RGS6: variants seen among roughly 807,000 people sequenced by gnomAD.
RGS6 encodes regulator of G protein signaling 6.
A neutral mutation model predicts 78.5 loss-of-function variants in RGS6; 30 were observed. That is an observed-to-expected ratio of 0.38 (90% CI 0.29 to 0.52). RGS6 has a LOEUF of 0.52. Ranked by LOEUF, RGS6 falls within the 20% of genes least tolerant of loss-of-function variation. RGS6 has a pLI of 0.85. For missense variants in RGS6, 495 were observed against 609.7 expected (o/e 0.81, Z 1.98); for synonymous variants, 206 against 206.0 (o/e 1.00, Z 0.00).
intron 2 of RGS6, among the ~76,000 whole-genome samples, chr14:72,194,964 T>C (rs2039673436): frequency 6.6e-6 from 1 of 152,036 alleles, no homozygotes; most frequent in African/African-American, 2.4e-5. Flanking sequence ...TCCCAGAGCT[T>C]TGGGAGGCCG....
chr14:72,045,533 A>G (rs2092763254), intron 2 of RGS6, among the ~76,000 whole-genome samples: 1 of 152,128 alleles, frequency 6.6e-6, no homozygotes. Flanking sequence ...TGCATCTTGC[A>G]GCTCTTTTAG....
At chr14:71,909,199 C>T in the RGS6 span, among the ~76,000 whole-genome samples, 1 of 152,118 alleles carries the variant, frequency 6.6e-6, no homozygotes, top group African/African-American at 2.4e-5. Flanking sequence ...TGGCGTGTTC[C>T]TCCTTCTGTT....
intron 2 of RGS6, among the ~76,000 whole-genome samples, chr14:72,119,665 A>G (rs1278076047): frequency 6.6e-6 from 1 of 152,246 alleles, no homozygotes; most frequent in African/African-American, 2.4e-5. Flanking sequence ...GAAACAAACG[A>G]GAGAGAAAGA....
intron 3 of RGS6, among the ~76,000 whole-genome samples, chr14:72,359,202 TAGC>T (rs202191731): frequency 0.021 from 3,204 of 152,254 alleles, 51 homozygotes; most frequent in African/African-American, 0.048. Flanking sequence ...ATGTCTTTAT[TAGC>T]AGCATGAGAA....
chr14:72,228,022 A>G (rs2048551447), intron 2 of RGS6, among the ~76,000 whole-genome samples: 1 of 152,252 alleles, frequency 6.6e-6, no homozygotes, highest in African/African-American at 2.4e-5. Flanking sequence ...ATGAATAAGT[A>G]GGATTCCCCA....
At chr14:71,971,441 A>G (rs2093798129) in intron 2 of RGS6, among the ~76,000 whole-genome samples, 2 of 152,108 alleles carry the variant, frequency 1.3e-5, no homozygotes, top group Admixed American at 6.6e-5. Context: ...GGGTCCGGAC[A>G]TCCTTTTTGT....
At chr14:72,374,299 C>G (rs542265849) in intron 3 of RGS6, among the ~76,000 whole-genome samples, 1 of 150,496 alleles carries the variant, frequency 6.6e-6, no homozygotes, top group African/African-American at 2.4e-5. Flanking sequence ...TCCATGTGTT[C>G]TCATTGTTCA....
chr14:72,030,106 T>C (rs2090597366), intron 2 of RGS6, among the ~76,000 whole-genome samples: 1 of 152,310 alleles, frequency 6.6e-6, no homozygotes, highest in Non-Finnish European at 1.5e-5. Flanking sequence ...TAATAAGTTA[T>C]TAATGACACA....
intron 3 of RGS6, among the ~76,000 whole-genome samples, chr14:72,418,468 G>A (rs545971437): frequency 7.2e-5 from 11 of 152,150 alleles, no homozygotes; most frequent in Admixed American, 2.6e-4. Flanking sequence ...CGCCCGGCCC[G>A]CTTCAAAATA....
chr14:71,912,731 C>T, the RGS6 span, among the ~76,000 whole-genome samples: 960 of 152,342 alleles, frequency 6.3e-3, 11 homozygotes, highest in Non-Finnish European at 0.011. Context: ...TCTAAACATT[C>T]TTTCCTGATA....
chr14:72,061,395 C>T (rs2093886344), intron 2 of RGS6, among the ~76,000 whole-genome samples: 1 of 152,126 alleles, frequency 6.6e-6, no homozygotes, highest in Non-Finnish European at 1.5e-5. Flanking sequence ...TCCTTACACT[C>T]AGGGAGCTTG....
chr14:72,542,424 A>G (rs2097339073), intron 17 of RGS6, among the ~76,000 whole-genome samples: 1 of 152,244 alleles, frequency 6.6e-6, no homozygotes, highest in African/African-American at 2.4e-5. Flanking sequence ...TGACTATCAT[A>G]TGCCTAAAGT....
intron 2 of RGS6, among the ~76,000 whole-genome samples, chr14:72,237,153 TC>T (rs1463270605): frequency 6.6e-6 from 1 of 152,226 alleles, no homozygotes; most frequent in Admixed American, 6.5e-5. Context: ...TTGAAATTCA[TC>T]TATTTTTGTT....
chr14:72,231,866 G>T (rs965991269), intron 2 of RGS6, among the ~76,000 whole-genome samples: 28 of 152,070 alleles, frequency 1.8e-4, no homozygotes, highest in Non-Finnish European at 4.0e-4. Context: ...AACTGGGATA[G>T]GTTGCAACAA....
At chr14:72,016,021 G>A (rs2086878456) in intron 2 of RGS6, among the ~76,000 whole-genome samples, 1 of 151,968 alleles carries the variant, frequency 6.6e-6, no homozygotes, top group South Asian at 2.1e-4. Context: ...GACTTTTTAT[G>A]ATGTCTCTAA....
rs945993613 is a variant in RGS6, at chr14:71,932,734, G to C, written c.-228G>C. ...TTCGCTCTTCGCTCGCTGAGCCCCT[G>C]CGCTCGCCACCACGGAAACTCGGAA... is the stretch of plus-strand genomic sequence containing the variant. On this transcript the variant is annotated 5_prime_UTR_variant, in exon 1 of 18. Coordinates refer to ENST00000553525, the MANE Select transcript of RGS6 (RefSeq NM_001204424.2). 1.3e-5 allele frequency: 2 copies of C among 152,242 alleles called. No individual in the cohort carries two copies. The highest frequency in any genetic ancestry group is 4.8e-5 in the African/African-American group (2 of 41,472). The allele number at this position is 152,242 out of a possible 1,614,324, so 9.4% of individuals were successfully genotyped here.
chr14:72,537,683 A>G (rs2097268797), intron 16 of RGS6: 8 of 635,652 alleles, frequency 1.3e-5, no homozygotes, highest in Non-Finnish European at 2.2e-5. Flanking sequence ...GGAACTTTTG[A>G]TAACTCCAGC....
intron 2 of RGS6, among the ~76,000 whole-genome samples, chr14:72,022,957 T>C (rs1408525184): frequency 6.6e-6 from 1 of 152,180 alleles, no homozygotes; most frequent in Non-Finnish European, 1.5e-5. Flanking sequence ...AACTCACTCT[T>C]TCTTCATGCC....
intron 2 of RGS6, among the ~76,000 whole-genome samples, chr14:72,311,664 A>AATG (rs939009517): frequency 3.3e-5 from 5 of 152,160 alleles, no homozygotes; most frequent in African/African-American, 1.2e-4. Context: ...CTTTGTTTCT[A>AATG]ATGATGATGA....
Sources: allele counts gnomAD v4.1 joint callset (sites outside exome capture counted in the v4.1 genomes callset), GRCh38; gene constraint gnomAD v4.1.1; transcripts MANE v1.5; gene names NCBI Gene and HGNC (gene_info 2026-07-23, HGNC 2026-07-21).